TACC3: variants seen among roughly 807,000 people sequenced by gnomAD.
The protein encoded by TACC3 is transforming acidic coiled-coil-containing protein 3.
In TACC3, 52 loss-of-function variants were observed where a neutral mutation model predicts 86.0. The ratio of observed to expected loss-of-function variants is 0.60; its 90% confidence interval spans 0.48 to 0.76. TACC3 has a LOEUF of 0.76. Among genes scored for constraint, TACC3 ranks in the 30% least tolerant of loss-of-function variants. The pLI is 0.00. For synonymous variants in TACC3, 512 were observed against 430.0 expected (o/e 1.19, Z -2.36); for missense variants, 1,120 against 1,070.4 (o/e 1.05, Z -0.65).
chr4:1,735,231 C>T lies in TACC3; in HGVS notation c.1592-42C>T. 1 of 1,613,350 alleles carries T rather than the reference C, an allele frequency of 6.2e-7. No homozygotes were observed. Among genetic ancestry groups the T allele is most frequent in the Non-Finnish European group, 8.5e-7 (1 of 1,179,854 alleles). On this transcript the variant is annotated intron_variant, in intron 6 of 15. Transcript: ENST00000313288. The surrounding 1 kb of genome is among the most constrained non-coding windows in gnomAD (Gnocchi z 4.2). ...ACACCAGCCCGCCGCCCTTAGGGCC[C>T]TGGTGAGGGGCGATGGCGGCGGCAT...
Position 1,737,582 on chromosome 4 carries a change from TC to T in TACC3, c.1837-12del, listed in dbSNP as rs1280429502. The T allele has an allele frequency of 4.0e-6, 6 of 1,489,332 alleles. No individual in the cohort carries two copies. Among genetic ancestry groups the T allele is most frequent in the Non-Finnish European group, 4.5e-6 (5 of 1,113,484 alleles). The allele number at this position is 1,489,332 out of a possible 1,614,324, so 92.3% of individuals were successfully genotyped here. On this transcript the variant is annotated splice_polypyrimidine_tract_variant and intron_variant, in intron 9 of 15. Coordinates refer to ENST00000313288, the MANE Select transcript of TACC3 (RefSeq NM_006342.3). ...AAGGGCGAAATGGGTTCCTGTTTCA[TC>T]CCCATCTCCCGCAGGTGCCAGGCCC...
chr4:1,736,975 C>T (rs1289196519), intron 8 of TACC3, among the ~76,000 whole-genome samples: 2 of 152,030 alleles, frequency 1.3e-5, no homozygotes, highest in African/African-American at 4.8e-5. Flanking sequence ...ACTGGCTCCG[C>T]TCAGCCTGCA....
chr4:1,739,921 C>T lies in TACC3; in HGVS notation c.2019-38C>T, dbSNP rs750367254. The T allele has an allele frequency of 9.9e-6, 16 of 1,612,324 alleles. No homozygotes were observed. In the East Asian group the frequency reaches 3.3e-4, roughly 34 times the overall value. On this transcript the variant is annotated intron_variant, in intron 11 of 15. Transcript: ENST00000313288. Reference sequence around the variant, plus strand: ...CCACCTGGCCTGGGACCGCTGGGCACCCGAGGCAATGGCTGTGTGTCTGTT... The same window carrying T: ...CCACCTGGCCTGGGACCGCTGGGCATCCGAGGCAATGGCTGTGTGTCTGTT...
At chr4:1,727,664 A>G (rs770118119) in intron 3 of TACC3, 44 bp from the exon 4 acceptor site, 2 of 1,538,594 alleles carry the variant, frequency 1.3e-6, no homozygotes, top group South Asian at 2.5e-5. Context: ...CCCTAACCTC[A>G]CCAGGTACTC....
intron 4 of TACC3, 37 bp from the exon 5 acceptor site, chr4:1,730,847 GGGT>G (rs768015597): frequency 1.9e-6 from 2 of 1,053,770 alleles, no homozygotes; most frequent in Non-Finnish European, 2.6e-6. Context: ...CGGGGTTATG[GGGT>G]GGGGGGCATG....
chr4:1,731,259 GC>G lies in TACC3; in HGVS notation c.1551del (p.Leu518TrpfsTer3). 1 of 1,613,380 alleles carries G rather than the reference GC, an allele frequency of 6.2e-7. No individual in the cohort carries two copies. Among genetic ancestry groups the G allele is most frequent in the African/African-American group, 1.3e-5 (1 of 75,066 alleles). ...GCCCACCCATCAGCAGGGGCAGCCT[GC>G]CTTGGAGCTGAAAGAGGAGAGCTTC... ...PVPTHQQGQP[A>X]LELKEESFRD... On this transcript the variant is annotated frameshift_variant, in exon 6 of 16. Transcript: ENST00000313288. LOFTEE classifies it high-confidence loss of function.
chr4:1,732,140 G>A (rs373109063), intron 6 of TACC3, among the ~76,000 whole-genome samples: 71 of 151,700 alleles, frequency 4.7e-4, no homozygotes, highest in Non-Finnish European at 9.0e-4. Flanking sequence ...ACTTGAATAC[G>A]GTTTGTCTGT....
chr4:1,740,987 G>T lies in TACC3; in HGVS notation c.2223+1G>T. On this transcript the variant is annotated splice_donor_variant, in intron 13 of 15. Coordinates refer to ENST00000313288, the MANE Select transcript of TACC3 (RefSeq NM_006342.3). LOFTEE classifies it high-confidence loss of function. ...AGAGGTGATCGAGGGCTACCGCAAG[G>T]TATGTCTCCGCCACCCTGGTGTCCT... 1 of 1,603,882 alleles carries T rather than the reference G, an allele frequency of 6.2e-7. No homozygotes were observed. Among genetic ancestry groups the T allele is most frequent in the Non-Finnish European group, 8.5e-7 (1 of 1,177,014 alleles).
At chr4:1,733,723 A>G (rs939943926) in intron 6 of TACC3, among the ~76,000 whole-genome samples, 2 of 152,210 alleles carry the variant, frequency 1.3e-5, no homozygotes, top group Admixed American at 1.3e-4. Context: ...CACGCCCGTA[A>G]TCCTAGCACT....
At chr4:1,727,432 C>G (rs1026300688) in intron 3 of TACC3, among the ~76,000 whole-genome samples, 1 of 152,146 alleles carries the variant, frequency 6.6e-6, no homozygotes, top group African/African-American at 2.4e-5. Context: ...CCAGAGGCAC[C>G]CCTGTAACTT....
At chr4:1,739,144 T>TA (rs918271695) in intron 10 of TACC3, among the ~76,000 whole-genome samples, 2 of 151,912 alleles carry the variant, frequency 1.3e-5, no homozygotes, top group East Asian at 1.9e-4. Flanking sequence ...CTGTCTCTAC[T>TA]AAAAAATACA....
intron 13 of TACC3, among the ~76,000 whole-genome samples, chr4:1,742,384 G>T (rs977332153): frequency 1.3e-5 from 2 of 152,200 alleles, no homozygotes; most frequent in African/African-American, 4.8e-5. Flanking sequence ...GCCTCTCCCC[G>T]GGGCAGGCCT....
intron 8 of TACC3, among the ~76,000 whole-genome samples, chr4:1,736,274 T>G (rs935139066): frequency 6.6e-6 from 1 of 151,496 alleles, no homozygotes; most frequent in African/African-American, 2.4e-5. Flanking sequence ...AATACAAAAA[T>G]TAGCCGGGTG....
chr4:1,736,007 G>T (rs571044104), intron 8 of TACC3, among the ~76,000 whole-genome samples, 173 bp downstream of exon 8: 55 of 152,368 alleles, frequency 3.6e-4, no homozygotes, highest in Non-Finnish European at 6.5e-4. Flanking sequence ...GCCCTTGTGT[G>T]TCTGGCAGGA....
chr4:1,736,111 A>C (rs1395264056), intron 8 of TACC3, among the ~76,000 whole-genome samples: 1 of 152,250 alleles, frequency 6.6e-6, no homozygotes, highest in African/African-American at 2.4e-5. Context: ...TAAATCTTTT[A>C]AGAGTACTTC....
intron 10 of TACC3, chr4:1,739,448 GGT>G (rs1461029044): frequency 8.9e-6 from 5 of 562,274 alleles, no homozygotes; most frequent in South Asian, 4.8e-5. Context: ...ACACCTGTTG[GGT>G]GCCTGCTGGT....
At position 1,735,576 on chromosome 4, in the gene TACC3, G is replaced by C. The variant is rs1718214583; in HGVS notation, c.1645-155G>C. On this transcript the variant is annotated intron_variant, in intron 7 of 15. Transcript: ENST00000313288. This position sits in a 1 kb window ranked among gnomAD's most constrained non-coding sequence, Gnocchi z 4.2. ...AAACTCTGACACGCTGTGCTGCTGGGAATGGTGGTGTCTCGGGCAGGGTTG... is the reference window on the plus strand; with the variant it reads ...AAACTCTGACACGCTGTGCTGCTGGCAATGGTGGTGTCTCGGGCAGGGTTG... Among the ~76,000 whole-genome samples, 2 of 152,136 alleles carry C rather than the reference G, an allele frequency of 1.3e-5. No individual in the cohort carries two copies. Among genetic ancestry groups the C allele is most frequent in the Non-Finnish European group, 2.9e-5 (2 of 68,020 alleles).
At position 1,724,449 on chromosome 4, in the gene TACC3, GGCTCGAT is replaced by G. The variant is rs1189001427; in HGVS notation, c.305+580_305+586del. Among the ~76,000 whole-genome samples, 4 of 135,812 alleles carry G rather than the reference GGCTCGAT, an allele frequency of 2.9e-5. No individual in the cohort carries two copies. In the Admixed American group the frequency reaches 3.1e-4, roughly 11 times the overall value. 89.1% of individuals were successfully genotyped at this position (135,812 alleles called of 152,430 possible). ...TCTGTCACCCAGGCTGGAGTGCAGTGGCTCGATTTCGGCTCACTGCAAACTCCACCTC... is the reference window on the plus strand; with the variant it reads ...TCTGTCACCCAGGCTGGAGTGCAGTGTTCGGCTCACTGCAAACTCCACCTC... On this transcript the variant is annotated intron_variant, in intron 3 of 15. Coordinates refer to ENST00000313288, the MANE Select transcript of TACC3 (RefSeq NM_006342.3).
chr4:1,728,092 C>T lies in TACC3; in HGVS notation c.690C>T (p.His230=), dbSNP rs774846586. 3.1e-6 allele frequency: 5 copies of T among 1,605,494 alleles called. No homozygotes were observed. Among genetic ancestry groups the T allele is most frequent in the East Asian group, 4.5e-5 (2 of 44,658 alleles). ...AEEECKAETP[H]GAEEECRHGG... ...AAGAATGCAAAGCGGAGACTCCGCA[C>T]GGAGCCGAGGAGGAATGCCGGCACG... Residue 230 remains histidine (H), a synonymous_variant, in exon 4 of 16, where the codon CAC becomes CAT. Coordinates refer to ENST00000313288, the MANE Select transcript of TACC3 (RefSeq NM_006342.3).
Sources: gnomAD v4.1 joint callset for allele counts (sites outside exome capture counted in the v4.1 genomes callset) on GRCh38, gnomAD v4.1.1 for gene constraint, Gnocchi (gnomAD v3.1) non-coding constraint, MANE v1.5 for transcripts, NCBI Gene and HGNC (gene_info 2026-07-23, HGNC 2026-07-21) for gene names.